SAMD15: variants seen among roughly 807,000 people sequenced by gnomAD.
SAMD15 encodes the protein sterile alpha motif domain-containing protein 15.
A neutral mutation model predicts 50.5 loss-of-function variants in SAMD15; 37 were observed. That is an observed-to-expected ratio of 0.73 (90% CI 0.56 to 0.96). The LOEUF (loss-of-function observed/expected upper bound fraction) is 0.96. Among genes scored for constraint, SAMD15 ranks in the 40% least tolerant of loss-of-function variants. SAMD15 has a pLI of 0.00. For missense variants in SAMD15, 789 were observed against 783.8 expected (o/e 1.01, Z -0.08); for synonymous variants, 255 against 282.8 (o/e 0.90, Z 0.99).
At position 77,390,942 on chromosome 14, in the gene SAMD15, T is replaced by C. The variant is rs373714132; in HGVS notation, c.1789-66T>C. On this transcript the variant is annotated intron_variant, in intron 2 of 2. Coordinates refer to ENST00000216471, the MANE Select transcript of SAMD15 (RefSeq NM_001010860.4). ...TATTCAAGAGGCTTAGAAAACTAAA[T>C]AAACCTTCTTTGATTTGGTTGTGTT... The C allele has an allele frequency of 2.2e-4, 210 of 972,870 alleles. 1 individual carries two copies. In the East Asian group the frequency reaches 4.8e-3, roughly 22 times the overall value. The allele number at this position is 972,870 out of a possible 1,614,324, so 60.3% of individuals were successfully genotyped here.
At chr14:77,385,413 G>A (rs977289925) in intron 2 of SAMD15, among the ~76,000 whole-genome samples, 1 of 151,686 alleles carries the variant, frequency 6.6e-6, no homozygotes. Flanking sequence ...AGCCTCCCGA[G>A]TAGCTGGGAT....
At chr14:77,383,966 A>C (rs1227743527) in intron 2 of SAMD15, among the ~76,000 whole-genome samples, 1 of 138,818 alleles carries the variant, frequency 7.2e-6, no homozygotes, top group African/African-American at 2.8e-5. Flanking sequence ...TGACAGAGCA[A>C]GACTCAGTCT....
At chr14:77,383,697 G>T (rs1893971366) in intron 2 of SAMD15, among the ~76,000 whole-genome samples, 1 of 152,114 alleles carries the variant, frequency 6.6e-6, no homozygotes, top group East Asian at 1.9e-4. Context: ...TTATGGCCAG[G>T]TCTGGTGGCT....
At chr14:77,388,382 C>CGCGTGTGTGT (rs1555361792) in intron 2 of SAMD15, among the ~76,000 whole-genome samples, 1 of 133,068 alleles carries the variant, frequency 7.5e-6, no homozygotes, top group Admixed American at 7.7e-5. Flanking sequence ...GCCACCTGTT[C>CGCGTGTGTGT]GTGTGTGTGT....
At chr14:77,381,008 GTTC>G (rs969665927) in intron 2 of SAMD15, among the ~76,000 whole-genome samples, 22 of 152,016 alleles carry the variant, frequency 1.4e-4, no homozygotes, top group Non-Finnish European at 8.8e-5. Context: ...TGCCTGGTGC[GTTC>G]TTCTCTCTAT....
rs377304119 is a variant in SAMD15 at position 77,391,329 on chromosome 14, C to CTTT, written c.*97_*99dup. On this transcript the variant is annotated 3_prime_UTR_variant, in exon 3 of 3. Transcript: ENST00000216471. ...GGTCTTTTTTGGTTTTCTTTTTCTC[C>CTTT]TTTTTTTTTTTTTTATTTTTTTGAG... 1.7e-4 allele frequency: 114 copies of CTTT among 684,696 alleles called. No homozygotes were observed. Among genetic ancestry groups the CTTT allele is most frequent in the Middle Eastern group, 2.9e-4 (1 of 3,446 alleles). 42.4% of individuals were successfully genotyped at this position (684,696 alleles called of 1,614,324 possible).
At chr14:77,384,281 G>T (rs1405835082) in intron 2 of SAMD15, among the ~76,000 whole-genome samples, 1 of 152,126 alleles carries the variant, frequency 6.6e-6, no homozygotes, top group Non-Finnish European at 1.5e-5. Flanking sequence ...CTAAGAATCT[G>T]AACAGCATTG....
At chr14:77,385,526 T>A (rs1893994980) in intron 2 of SAMD15, among the ~76,000 whole-genome samples, 2 of 151,956 alleles carry the variant, frequency 1.3e-5, no homozygotes. Context: ...TGACCTCAGG[T>A]GATCCGACTG....
At chr14:77,380,114 GGATA>G (rs1251662768) in intron 1 of SAMD15, among the ~76,000 whole-genome samples, 1 of 152,142 alleles carries the variant, frequency 6.6e-6, no homozygotes, top group East Asian at 1.9e-4. Context: ...GCCGTTATTG[GGATA>G]GAAAGTAAAT....
At chr14:77,385,294 CT>C (rs1004372628) in intron 2 of SAMD15, among the ~76,000 whole-genome samples, 2 of 148,404 alleles carry the variant, frequency 1.3e-5, no homozygotes, top group African/African-American at 2.5e-5. Flanking sequence ...TTTCTTTTTT[CT>C]TTTTTTTTGA....
In SAMD15 at chr14:77,378,504, A is replaced by G; in HGVS notation, c.1086A>G (p.Glu362=). Residue 362 remains glutamate (E), a synonymous_variant, in exon 1 of 3, where the codon GAA becomes GAG. Transcript: ENST00000216471. ...AAATGATGAAACCAGAAAGTCCAGA[A>G]GAGATAAGAAAGTCAAATGAGAAAA... ...QSEMMKPESP[E]EIRKSNEKKN... is the part of the protein sequence containing the mutation. 6.2e-7 allele frequency: 1 copy of G among 1,613,794 alleles called. No homozygotes were observed. Among genetic ancestry groups the G allele is most frequent in the Non-Finnish European group, 8.5e-7 (1 of 1,179,980 alleles).
At chr14:77,382,722 AT>A (rs1893958623) in intron 2 of SAMD15, among the ~76,000 whole-genome samples, 1 of 149,816 alleles carries the variant, frequency 6.7e-6, no homozygotes, top group Non-Finnish European at 1.5e-5. Flanking sequence ...TATTTATTTT[AT>A]TTATTTTTTT....
At chr14:77,385,672 T>G (rs1373326151) in intron 2 of SAMD15, among the ~76,000 whole-genome samples, 1 of 152,136 alleles carries the variant, frequency 6.6e-6, no homozygotes, top group Non-Finnish European at 1.5e-5. Context: ...TAGAGTTCAG[T>G]GTTTGTGTAC....
chr14:77,389,978 T>C (rs12432247), intron 2 of SAMD15, among the ~76,000 whole-genome samples: 85,022 of 151,916 alleles, frequency 0.56, 26,360 homozygotes, highest in African/African-American at 0.83. Context: ...TTTAGTTAAA[T>C]AAATGAGGTA....
intron 2 of SAMD15, among the ~76,000 whole-genome samples, chr14:77,387,094 T>C (rs1335554294): frequency 6.6e-6 from 1 of 152,188 alleles, no homozygotes; most frequent in Non-Finnish European, 1.5e-5. Context: ...TAAGTTGCTC[T>C]AAGTCATAGG....
rs754169818 is a variant in SAMD15 at position 77,378,574 on chromosome 14, G to A, written c.1156G>A (p.Glu386Lys). The A allele has an allele frequency of 2.5e-6, 4 of 1,613,422 alleles. No homozygotes were observed. The South Asian group carries it at 3.3e-5, about 13-fold the overall frequency. The change falls in exon 1 of 3, where the codon GAG becomes AAG. Residue 386 changes from glutamate to lysine, a missense_variant. By Grantham distance (56) the Glu-to-Lys change is moderately conservative. This residue lies in a region of SAMD15 where 770 missense variants were observed against 745.4 expected (regional missense o/e 1.03). Coordinates refer to ENST00000216471, the MANE Select transcript of SAMD15 (RefSeq NM_001010860.4). ...PEETGPVLPQ[E>K]INPQVEEKTQ... Reference sequence around the variant, plus strand: ...GGAGACTGGTCCAGTGCTACCACAGGAGATCAACCCACAAGTTGAAGAGAA... The same window carrying A: ...GGAGACTGGTCCAGTGCTACCACAGAAGATCAACCCACAAGTTGAAGAGAA...
At chr14:77,384,963 A>C (rs1893987419) in intron 2 of SAMD15, among the ~76,000 whole-genome samples, 1 of 151,994 alleles carries the variant, frequency 6.6e-6, no homozygotes, top group South Asian at 2.1e-4. Context: ...CGGGTGGATC[A>C]CCTGAGGTCA....
At position 77,378,361 on chromosome 14, in the gene SAMD15, C is replaced by A. The variant is rs747015262; in HGVS notation, c.943C>A (p.His315Asn). Reference protein sequence around the residue: ...PERTKPDFPDHKPRKSTDENV... With the variant: ...PERTKPDFPDNKPRKSTDENV... ...GCGGACTAAACCAGACTTTCCAGAC[C>A]ACAAGCCAAGAAAGTCTACTGATGA... is the stretch of plus-strand genomic sequence containing the variant. The change falls in exon 1 of 3, where the codon CAC (histidine) becomes AAC (asparagine). Residue 315 changes from histidine to asparagine, a missense_variant. By Grantham distance (68) the His-to-Asn change is moderately conservative. This residue lies in a region of SAMD15 where 770 missense variants were observed against 745.4 expected (regional missense o/e 1.03). Transcript: ENST00000216471. 12 of 1,613,196 alleles carry A rather than the reference C, an allele frequency of 7.4e-6. No individual in the cohort carries two copies. The highest frequency in any genetic ancestry group is 6.8e-6 in the Non-Finnish European group (8 of 1,179,806).
At position 77,391,043 on chromosome 14, in the gene SAMD15, T is replaced by G. The variant is rs779762258; in HGVS notation, c.1824T>G (p.Ile608Met). The change falls in exon 3 of 3, where the codon ATT becomes ATG. Residue 608 changes from isoleucine to methionine, a missense_variant. Physicochemically the swap from Ile to Met is conservative, Grantham distance 10. Transcript: ENST00000216471. ...GGCATACGCAGGAGCTCCTGGAAATTGAAGAGCCATTATTCAAACGCTCCA... is the reference window on the plus strand; with the variant it reads ...GGCATACGCAGGAGCTCCTGGAAATGGAAGAGCCATTATTCAAACGCTCCA... ...ISRHTQELLE[I>M]EEPLFKRSIS... 4 of 1,613,452 alleles carry G rather than the reference T, an allele frequency of 2.5e-6. No individual in the cohort carries two copies. In the South Asian group the frequency reaches 3.3e-5, roughly 13 times the overall value.
Sources: allele counts gnomAD v4.1 joint callset (sites outside exome capture counted in the v4.1 genomes callset), GRCh38; gene constraint gnomAD v4.1.1; regional missense constraint gnomAD v4.1.1; transcripts MANE v1.5; gene names NCBI Gene and HGNC (gene_info 2026-07-23, HGNC 2026-07-21).